TRUB1: variants seen among roughly 807,000 people sequenced by gnomAD.
TRUB1 encodes TruB pseudouridine synthase family member 1.
A neutral mutation model predicts 33.9 loss-of-function variants in TRUB1; 23 were observed. That is an observed-to-expected ratio of 0.68 (90% CI 0.49 to 0.96). TRUB1 has a LOEUF of 0.96. Ranked by LOEUF, TRUB1 falls within the 40% of genes least tolerant of loss-of-function variation. The probability of loss-of-function intolerance (pLI) is 0.00; values close to 1 mark genes in which losing one functional copy is unlikely to be tolerated. For missense variants in TRUB1, 378 were observed against 422.2 expected (o/e 0.90, Z 0.92); for synonymous variants, 163 against 165.4 (o/e 0.99, Z 0.11).
chr10:114,967,220 A>G (rs2084313215), intron 4 of TRUB1, among the ~76,000 whole-genome samples: 1 of 152,102 alleles, frequency 6.6e-6, no homozygotes. Context: ...TCTCTGTCCC[A>G]CAGTTAAGAA....
At chr10:114,958,919 T>G (rs1021243531) in intron 3 of TRUB1, among the ~76,000 whole-genome samples, 6 of 151,694 alleles carry the variant, frequency 4.0e-5, no homozygotes, top group Non-Finnish European at 7.4e-5. Context: ...GTGGATCACC[T>G]GAGGTCAGAA....
chr10:114,944,727 A>G (rs1404029360), intron 2 of TRUB1, among the ~76,000 whole-genome samples: 1 of 152,124 alleles, frequency 6.6e-6, no homozygotes, highest in Non-Finnish European at 1.5e-5. Flanking sequence ...ACTCATGCCT[A>G]TAATCCCAGT....
Position 114,975,298 on chromosome 10 carries a change from G to A in TRUB1, c.969G>A (p.Glu323=), listed in dbSNP as rs1371295834. The A allele has an allele frequency of 1.2e-6, 2 of 1,613,332 alleles. No individual in the cohort carries two copies. Among genetic ancestry groups the A allele is most frequent in the South Asian group, 1.1e-5 (1 of 91,042 alleles). Residue 323 remains glutamate (E), a synonymous_variant, in exon 8 of 8, where the codon GAG becomes GAA. Coordinates refer to ENST00000298746, the MANE Select transcript of TRUB1 (RefSeq NM_139169.5). ...AELALKKSKP[E]SNEQVLSCEY... ...TGGCACTTAAAAAATCAAAACCTGA[G>A]TCTAATGAACAGGTTTTGAGCTGTG...
At chr10:114,955,452 A>G (rs1228509302) in intron 3 of TRUB1, among the ~76,000 whole-genome samples, 2 of 152,240 alleles carry the variant, frequency 1.3e-5, no homozygotes, top group Admixed American at 1.3e-4. Context: ...TGAATAATCT[A>G]ACTAGCATGT....
intron 3 of TRUB1, among the ~76,000 whole-genome samples, chr10:114,956,647 G>A (rs1259555284): frequency 6.6e-6 from 1 of 152,128 alleles, no homozygotes; most frequent in Non-Finnish European, 1.5e-5. Flanking sequence ...CAGGGTGTCT[G>A]TTGAAATTGA....
chr10:114,948,200 C>G (rs533877489), intron 2 of TRUB1, among the ~76,000 whole-genome samples: 2 of 152,238 alleles, frequency 1.3e-5, no homozygotes, highest in South Asian at 4.2e-4. Flanking sequence ...TTCATCTGCT[C>G]TCTAAATTCT....
At chr10:114,955,063 A>G (rs963061414) in intron 3 of TRUB1, among the ~76,000 whole-genome samples, 3 of 152,248 alleles carry the variant, frequency 2.0e-5, no homozygotes, top group Non-Finnish European at 4.4e-5. Flanking sequence ...GAGATATTAA[A>G]TGACAGATAG....
rs111301195 is a variant in TRUB1, at chr10:114,975,113, G to A, written c.794-10G>A. On this transcript the variant is annotated splice_polypyrimidine_tract_variant and intron_variant, in intron 7 of 7. Transcript: ENST00000298746. ...CTTCTGGATTTTTTTTCTACCTTTT[G>A]TTGCCATAGAACTATCTTCCTGTGC... 1,676 of 1,588,318 alleles carry A rather than the reference G, an allele frequency of 1.1e-3. 12 individuals are homozygous for A. In the African/African-American group the frequency reaches 0.019, roughly 18 times the overall value.
At chr10:114,949,389 C>G (rs756068812) in intron 2 of TRUB1, among the ~76,000 whole-genome samples, 1 of 152,166 alleles carries the variant, frequency 6.6e-6, no homozygotes, top group Non-Finnish European at 1.5e-5. Context: ...CAGAGGATTA[C>G]TGAGGACAGA....
chr10:114,957,405 C>T (rs986015548), intron 3 of TRUB1, among the ~76,000 whole-genome samples: 2 of 152,178 alleles, frequency 1.3e-5, no homozygotes, highest in Non-Finnish European at 2.9e-5. Flanking sequence ...AGAGGGAGAG[C>T]AATCTATCTT....
At chr10:114,942,294 T>G (rs932353356) in intron 1 of TRUB1, among the ~76,000 whole-genome samples, 3 of 152,196 alleles carry the variant, frequency 2.0e-5, no homozygotes, top group African/African-American at 7.2e-5. Flanking sequence ...AAAAATTAAC[T>G]TCTTTTCATG....
intron 4 of TRUB1, among the ~76,000 whole-genome samples, chr10:114,963,926 C>T (rs930652321): frequency 2.0e-5 from 3 of 151,516 alleles, no homozygotes; most frequent in Non-Finnish European, 4.4e-5. Flanking sequence ...ACATTTCTAC[C>T]GTCATTTCTT....
intron 7 of TRUB1, 75 bp from the exon 8 acceptor site, chr10:114,975,048 A>C: frequency 6.7e-7 from 1 of 1,499,888 alleles, no homozygotes; most frequent in Non-Finnish European, 8.9e-7. Flanking sequence ...GAGTACGGTC[A>C]TTTGAACAAT....
Position 114,938,202 on chromosome 10 carries a change from T to C in TRUB1, c.-52T>C, listed in dbSNP as rs1276063450. 2 of 1,595,238 alleles carry C rather than the reference T, an allele frequency of 1.3e-6. No homozygotes were observed. The highest frequency in any genetic ancestry group is 1.7e-6 in the Non-Finnish European group (2 of 1,172,272). On this transcript the variant is annotated 5_prime_UTR_variant, in exon 1 of 8. Transcript: ENST00000298746. ...GAGGGTCCTGTCAGGCGCACTCTTGTTGCATCATCAGCGTGCACCTCCACG... is the reference window on the plus strand; with the variant it reads ...GAGGGTCCTGTCAGGCGCACTCTTGCTGCATCATCAGCGTGCACCTCCACG...
At chr10:114,971,426 T>C (rs1029316702) in intron 5 of TRUB1, among the ~76,000 whole-genome samples, 1 of 152,152 alleles carries the variant, frequency 6.6e-6, no homozygotes, top group Non-Finnish European at 1.5e-5. Context: ...TAGTATTTAT[T>C]TTGTATTTAA....
intron 1 of TRUB1, among the ~76,000 whole-genome samples, chr10:114,941,269 A>G (rs1228446865): frequency 6.6e-6 from 1 of 151,778 alleles, no homozygotes; most frequent in Non-Finnish European, 1.5e-5. Flanking sequence ...AACAATTTAT[A>G]TTTATCCAGA....
At chr10:114,957,987 G>A (rs2084268773) in intron 3 of TRUB1, among the ~76,000 whole-genome samples, 1 of 152,110 alleles carries the variant, frequency 6.6e-6, no homozygotes, top group Non-Finnish European at 1.5e-5. Context: ...AGATGATGAT[G>A]GTATTATTAT....
At chr10:114,974,979 G>A (rs765122708) in intron 7 of TRUB1, 144 bp from the exon 8 acceptor site, 2 of 821,158 alleles carry the variant, frequency 2.4e-6, no homozygotes, top group Non-Finnish European at 3.6e-6. Flanking sequence ...TTTATCTGAG[G>A]CCTCTTGGTT....
At chr10:114,966,823 T>A (rs1027368179) in intron 4 of TRUB1, among the ~76,000 whole-genome samples, 14 of 152,294 alleles carry the variant, frequency 9.2e-5, no homozygotes, top group Non-Finnish European at 1.5e-4. Flanking sequence ...CTAAACTCAC[T>A]TATTTGTTCT....
Sources: allele counts gnomAD v4.1 joint callset (sites outside exome capture counted in the v4.1 genomes callset), GRCh38; gene constraint gnomAD v4.1.1; transcripts MANE v1.5; gene names NCBI Gene and HGNC (gene_info 2026-07-23, HGNC 2026-07-21).